The following TLN2 variants were observed in gnomAD, a reference collection of about 807,000 sequenced individuals.
TLN2 encodes talin 2.
TLN2 carries 118 observed loss-of-function variants against 294.7 expected under a neutral mutation model. That is an observed-to-expected ratio of 0.40 (90% CI 0.34 to 0.47). TLN2 has a LOEUF of 0.47. Ranked by LOEUF, TLN2 falls within the 20% of genes least tolerant of loss-of-function variation. The pLI is 0.84. For missense variants in TLN2, 3,083 were observed against 3,282.2 expected (o/e 0.94, Z 1.48); for synonymous variants, 1,431 against 1,304.5 (o/e 1.10, Z -2.09).
In TLN2 at chr15:62,792,930, A is replaced by C; in HGVS notation, c.5883+143A>C. On this transcript the variant is annotated intron_variant, in intron 46 of 58. Transcript: ENST00000636159. ...CTCATCCCGATCTTCCCCACTGCCC[A>C]GGTTCTCCCAAAAATGGGGTGCATC... 15 of 1,345,316 alleles carry C rather than the reference A, an allele frequency of 1.1e-5. No homozygotes were observed. In the South Asian group the frequency reaches 2.1e-4, roughly 18 times the overall value. 83.3% of individuals were successfully genotyped at this position (1,345,316 alleles called of 1,614,324 possible). A position where few individuals can be genotyped will look rare whatever the true frequency, so the allele number is the denominator to read the frequency against.
chr15:62,797,546 G>C, intron 48 of TLN2, 144 bp downstream of exon 48: 1 of 1,006,760 alleles, frequency 9.9e-7, no homozygotes, highest in Non-Finnish European at 1.4e-6. Flanking sequence ...GAACCGGTAG[G>C]AGGCAGTCAT....
chr15:62,397,367 C>G (rs1466358934), intron 1 of TLN2, among the ~76,000 whole-genome samples: 3 of 152,200 alleles, frequency 2.0e-5, no homozygotes, highest in African/African-American at 7.2e-5. Context: ...AAGTGATCCT[C>G]CTGCCTCGGC....
At position 62,793,617 on chromosome 15, in the gene TLN2, C is replaced by A. The variant is rs999447675; in HGVS notation, c.5883+830C>A. 2.6e-5 allele frequency among the ~76,000 whole-genome samples: 4 copies of A among 152,080 alleles called. No individual in the cohort carries two copies. In the South Asian group the frequency reaches 8.3e-4, roughly 32 times the overall value. On this transcript the variant is annotated intron_variant, in intron 46 of 58. Coordinates refer to ENST00000636159, the MANE Select transcript of TLN2 (RefSeq NM_015059.3). ...CCCCAGGCAGTTTTCCCCAGTTAAC[C>A]ACGCCATACTCTGAATGTTTCTTCA...
intron 1 of TLN2, among the ~76,000 whole-genome samples, chr15:62,550,801 A>C (rs1376621215): frequency 6.6e-6 from 1 of 152,174 alleles, no homozygotes; most frequent in Non-Finnish European, 1.5e-5. Context: ...TGTACTGTAG[A>C]CTAGAGGTCC....
chr15:62,636,833 A>G (rs1170282585), intron 3 of TLN2, among the ~76,000 whole-genome samples: 3 of 152,202 alleles, frequency 2.0e-5, no homozygotes, highest in Non-Finnish European at 4.4e-5. Flanking sequence ...TCACAATCAA[A>G]TTAAGCGCAG....
chr15:62,567,968 G>T (rs767610270), intron 1 of TLN2, among the ~76,000 whole-genome samples: 1 of 152,222 alleles, frequency 6.6e-6, no homozygotes. Context: ...CCCTCTTCCC[G>T]TTCCCCCTGT....
At chr15:62,405,058 G>A (rs1392767460) in intron 1 of TLN2, among the ~76,000 whole-genome samples, 1 of 152,170 alleles carries the variant, frequency 6.6e-6, no homozygotes, top group Non-Finnish European at 1.5e-5. Flanking sequence ...GTAGGTGGGT[G>A]TCTCCCTTTG....
rs74821026 is a variant in TLN2, at chr15:62,528,714, G to A, written c.-237-60973G>A. ...TTGGCATGTCTCAGGCAAACAAGTC[G>A]GGTCAGAATGTCACCACTGGGTGGC... On this transcript the variant is annotated intron_variant, in intron 1 of 58. Transcript: ENST00000636159. 3.0e-3 allele frequency among the ~76,000 whole-genome samples: 400 copies of A among 135,566 alleles called. 5 individuals are homozygous for A. Among genetic ancestry groups the A allele is most frequent in the African/African-American group, 0.011 (379 of 34,770 alleles). 88.9% of individuals were successfully genotyped at this position (135,566 alleles called of 152,430 possible).
intron 1 of TLN2, among the ~76,000 whole-genome samples, chr15:62,409,215 C>T (rs924600956): frequency 1.3e-5 from 2 of 151,972 alleles, no homozygotes; most frequent in Non-Finnish European, 1.5e-5. Context: ...TCAAGCCTTC[C>T]GCCTGCCTCA....
chr15:62,622,342 GT>G lies in TLN2; in HGVS notation c.-37+3868del, dbSNP rs1012903235. On this transcript the variant is annotated intron_variant, in intron 3 of 58. Coordinates refer to ENST00000636159, the MANE Select transcript of TLN2 (RefSeq NM_015059.3). ...TGTATCTGTAAAAGTTGGGGATTTT[GT>G]GGGGGATGGTTTCTGCTTTCAGCCA... Among the ~76,000 whole-genome samples, 12 of 152,174 alleles carry G rather than the reference GT, an allele frequency of 7.9e-5. 1 individual carries two copies. The highest frequency in any genetic ancestry group is 2.9e-4 in the African/African-American group (12 of 41,428).
At chr15:62,691,306 T>C (rs554785703) in intron 12 of TLN2, among the ~76,000 whole-genome samples, 87 of 152,340 alleles carry the variant, frequency 5.7e-4, no homozygotes, top group Non-Finnish European at 6.2e-4. Context: ...ATTGTTCAGA[T>C]TGACTAAATT....
intron 2 of TLN2, among the ~76,000 whole-genome samples, chr15:62,616,298 T>G (rs895165986): frequency 6.6e-6 from 1 of 152,242 alleles, no homozygotes; most frequent in Non-Finnish European, 1.5e-5. Flanking sequence ...TCTTATGTCA[T>G]GTCTGTTTTA....
intron 54 of TLN2, among the ~76,000 whole-genome samples, chr15:62,825,710 AAATATAAATATATATAAAAATATATTTT>A: frequency 8.0e-6 from 1 of 124,422 alleles, no homozygotes; most frequent in South Asian, 2.3e-4. Context: ...ATATATATAT[AAATATAAATATATATAAAAATATATTTT>A]TATATATATT....
At chr15:62,815,176 G>GTC (rs201630975) in intron 52 of TLN2, among the ~76,000 whole-genome samples, 2,784 of 46,182 alleles carry the variant, frequency 0.06, 47 homozygotes, top group Non-Finnish European at 0.078. Context: ...TATTCTGTCT[G>GTC]TCACACACAC....
chr15:62,755,418 T>C, intron 36 of TLN2, 114 bp from the exon 37 acceptor site: 2 of 1,319,616 alleles, frequency 1.5e-6, no homozygotes, highest in South Asian at 3.2e-5. Context: ...GACATGCTTG[T>C]AATTACACAG....
At chr15:62,771,296 C>T (rs1056019364) in intron 42 of TLN2, among the ~76,000 whole-genome samples, 162 bp downstream of exon 42, 3 of 152,174 alleles carry the variant, frequency 2.0e-5, no homozygotes, top group African/African-American at 7.2e-5. Context: ...TCCCAAGGTT[C>T]TTAGGGAGGA....
intron 3 of TLN2, among the ~76,000 whole-genome samples, chr15:62,633,532 T>C (rs1382046872): frequency 6.6e-6 from 1 of 152,222 alleles, no homozygotes; most frequent in Non-Finnish European, 1.5e-5. Context: ...CTCGAACTCC[T>C]GGACTCAAGC....
At chr15:62,562,939 C>G (rs984080207) in intron 1 of TLN2, among the ~76,000 whole-genome samples, 19 of 149,432 alleles carry the variant, frequency 1.3e-4, no homozygotes, top group African/African-American at 4.2e-4. Context: ...CACACACACA[C>G]ACACACACAC....
At chr15:62,741,017 G>A (rs1351659416) in intron 32 of TLN2, among the ~76,000 whole-genome samples, 1 of 152,116 alleles carries the variant, frequency 6.6e-6, no homozygotes, top group Non-Finnish European at 1.5e-5. Flanking sequence ...TTGTTTAGAC[G>A]TAAGGTCCAT....
Sources: gnomAD v4.1 joint callset for allele counts (sites outside exome capture counted in the v4.1 genomes callset) on GRCh38, gnomAD v4.1.1 for gene constraint, MANE v1.5 for transcripts, NCBI Gene and HGNC (gene_info 2026-07-23, HGNC 2026-07-21) for gene names.